SRRM2: variants seen among roughly 807,000 people sequenced by gnomAD.
The protein encoded by SRRM2 is serine/arginine repetitive matrix 2.
SRRM2 carries 30 observed loss-of-function variants against 213.8 expected under a neutral mutation model. The ratio of observed to expected loss-of-function variants is 0.14; its 90% CI spans 0.10 to 0.19. The LOEUF is 0.19. Among genes scored for constraint, SRRM2 ranks in the 10% least tolerant of loss-of-function variants. SRRM2 has a pLI of 1.00. For missense variants in SRRM2, 4,904 were observed against 3,647.0 expected (o/e 1.34, Z -8.88); for synonymous variants, 2,025 against 1,377.7 (o/e 1.47, Z -10.40).
rs771524954 is a variant in SRRM2, at chr16:2,765,579, C to G, written c.5051C>G (p.Thr1684Arg). 3 of 1,614,220 alleles carry G rather than the reference C, an allele frequency of 1.9e-6. No individual in the cohort carries two copies. The highest frequency in any genetic ancestry group is 2.2e-5 in the South Asian group (2 of 91,080). Reference sequence around the variant, plus strand: ...CCAGAGCCCAAGACCAAGTCTCGTACACCACCTCGACGTCGCAGCTCTCGA... The same window carrying G: ...CCAGAGCCCAAGACCAAGTCTCGTAGACCACCTCGACGTCGCAGCTCTCGA... ...SSPEPKTKSR[T>R]PPRRRSSRSS... The change falls in exon 11 of 15, where the codon ACA becomes AGA. Residue 1684 changes from threonine to arginine, a missense_variant. Physicochemically the swap from Thr to Arg is moderately conservative, Grantham distance 71. Transcript: ENST00000301740.
chr16:2,760,632 A>G (rs1219190115), intron 10 of SRRM2, 133 bp downstream of exon 10: 3 of 986,116 alleles, frequency 3.0e-6, no homozygotes, highest in East Asian at 2.6e-5. Flanking sequence ...TTTCTCTCCT[A>G]GTTCTCTTAC....
chr16:2,752,760 G>C lies in SRRM2; in HGVS notation c.-118G>C. On this transcript the variant is annotated 5_prime_UTR_variant, in exon 1 of 15. Coordinates refer to ENST00000301740, the MANE Select transcript of SRRM2 (RefSeq NM_016333.4). ...GCGGGCGGACCGGCGAGGCGAGGCG[G>C]CGGCCCCAGGCCCGAGGGACTCGGG... The C allele has an allele frequency of 2.8e-6, 1 of 362,084 alleles. No individual in the cohort carries two copies. The allele number at this position is 362,084 out of a possible 1,614,324, so 22.4% of individuals were successfully genotyped here.
intron 1 of SRRM2, among the ~76,000 whole-genome samples, chr16:2,754,644 G>A (rs946544795): frequency 2.6e-5 from 4 of 152,184 alleles, no homozygotes; most frequent in African/African-American, 9.7e-5. Context: ...GTATGGAAGT[G>A]TGGGTGAATG....
In SRRM2 at chr16:2,763,126, G is replaced by A. The variant is rs140816073; in HGVS notation, c.2598G>A (p.Thr866=). 30 of 1,613,950 alleles carry A rather than the reference G, an allele frequency of 1.9e-5. No homozygotes were observed. The East Asian group carries it at 3.3e-4, about 18-fold the overall frequency. ...TSPQANEQSV[T]PQRRSCFESS... ...CCCAGGCCAATGAGCAATCTGTAAC[G>A]CCACAGAGACGGAGCTGTTTTGAAT... The change falls in exon 11 of 15, where the codon ACG becomes ACA. Residue 866 remains threonine, a synonymous_variant. Coordinates refer to ENST00000301740, the MANE Select transcript of SRRM2 (RefSeq NM_016333.4).
chr16:2,755,309 A>AG (rs2068102465), intron 1 of SRRM2, among the ~76,000 whole-genome samples: 1 of 152,174 alleles, frequency 6.6e-6, no homozygotes, highest in Admixed American at 6.5e-5. Flanking sequence ...GAGAAGGAAG[A>AG]GGCAGGGCTG....
intron 10 of SRRM2, among the ~76,000 whole-genome samples, chr16:2,761,288 T>C (rs148749366): frequency 7.8e-4 from 119 of 152,308 alleles, no homozygotes; most frequent in African/African-American, 2.7e-3. Flanking sequence ...TCCATTCTTA[T>C]AACATTTTGT....
chr16:2,757,126 A>G (rs1416210865), intron 2 of SRRM2, among the ~76,000 whole-genome samples: 1 of 152,204 alleles, frequency 6.6e-6, no homozygotes, highest in Admixed American at 6.5e-5. Context: ...TTTAAACTTC[A>G]GCAATGGTGA....
intron 12 of SRRM2, chr16:2,769,942 C>T: frequency 2.3e-6 from 1 of 442,526 alleles, no homozygotes; most frequent in East Asian, 6.3e-5. Flanking sequence ...TCCTTGTCCG[C>T]CTGGTGAACT....
At chr16:2,769,379 C>G in intron 12 of SRRM2, 95 bp downstream of exon 12, 1 of 1,415,494 alleles carries the variant, frequency 7.1e-7, no homozygotes, top group Non-Finnish European at 9.5e-7. Context: ...GGGTGTCTCA[C>G]GTGGCCTTGG....
rs1485537795 is a variant in SRRM2, at chr16:2,758,567, ACT to A, written c.593+23_593+24del. ...AGGACGGTAAGTTAGTTGGAAAGTG[ACT>A]CTGATAGCCAGAGGACCAATCCTGT... On this transcript the variant is annotated intron_variant, in intron 5 of 14. Transcript: ENST00000301740. The A allele has an allele frequency of 5.0e-6, 8 of 1,606,130 alleles. No homozygotes were observed. The highest frequency in any genetic ancestry group is 1.1e-5 in the South Asian group (1 of 90,936).
In SRRM2 at chr16:2,767,307, G is replaced by C. The variant is rs1301986798; in HGVS notation, c.6779G>C (p.Arg2260Pro). ...IPTAVNLADSRTPAAAAAMNL... is the reference protein window; with the variant it reads ...IPTAVNLADSPTPAAAAAMNL... ...ACAGCAGTGAACCTGGCTGACTCTCGAACGCCAGCTGCAGCAGCGGCCATG... is the reference window on the plus strand; with the variant it reads ...ACAGCAGTGAACCTGGCTGACTCTCCAACGCCAGCTGCAGCAGCGGCCATG... The change falls in exon 11 of 15, where the codon CGA becomes CCA. Residue 2260 changes from arginine to proline, a missense_variant. Transcript: ENST00000301740. The C allele has an allele frequency of 6.2e-7, 1 of 1,613,760 alleles. No individual in the cohort carries two copies.
chr16:2,771,050 G>GT lies in SRRM2; in HGVS notation c.*184dup. On this transcript the variant is annotated 3_prime_UTR_variant, in exon 15 of 15. Coordinates refer to ENST00000301740, the MANE Select transcript of SRRM2 (RefSeq NM_016333.4). ...TTGTTCCTGTGAAATGTTAATCTCC[G>GT]TGAGTTCTTCCTGGTTCATGTGTTC... 3.7e-6 allele frequency: 2 copies of GT among 540,838 alleles called. No individual in the cohort carries two copies. Among genetic ancestry groups the GT allele is most frequent in the Non-Finnish European group, 6.3e-6 (2 of 316,540 alleles). The allele number at this position is 540,838 out of a possible 1,614,324, so 33.5% of individuals were successfully genotyped here.
At position 2,769,250 on chromosome 16, in the gene SRRM2, G is replaced by A. The variant is rs755792372; in HGVS notation, c.7987G>A (p.Ala2663Thr). ...TGGCCCTCAGGCCTTGCCCAAACCT[G>A]CAAGCCCCAAGAAGCCACCCCCTGG... Reference protein sequence around the residue: ...KPGPQALPKPASPKKPPPGER... With the variant: ...KPGPQALPKPTSPKKPPPGER... Residue 2663 changes from alanine (A) to threonine (T), a missense_variant, in exon 12 of 15, where the codon GCA becomes ACA. Ala to Thr is a moderately conservative substitution (Grantham distance 58). Transcript: ENST00000301740. 1.3e-6 allele frequency: 2 copies of A among 1,572,628 alleles called. No individual in the cohort carries two copies. The highest frequency in any genetic ancestry group is 2.2e-5 in the East Asian group (1 of 44,574).
At chr16:2,759,842 C>CTTT in intron 9 of SRRM2, 181 bp downstream of exon 9, 3 of 453,316 alleles carry the variant, frequency 6.6e-6, no homozygotes, top group Admixed American at 3.9e-5. Context: ...TTCCCCTTCT[C>CTTT]TTTTTTTTTT....
chr16:2,769,051 G>A lies in SRRM2; in HGVS notation c.7788G>A (p.Pro2596=), dbSNP rs761794384. Residue 2596 remains proline (P), a synonymous_variant, in exon 12 of 15, where the codon CCG becomes CCA. Coordinates refer to ENST00000301740, the MANE Select transcript of SRRM2 (RefSeq NM_016333.4). ...PKEAVREGRP[P]EPTPAKRKRR... ...AGGCTGTTCGAGAGGGACGTCCTCC[G>A]GAGCCAACCCCAGCCAAACGGAAGA... 23 of 1,614,058 alleles carry A rather than the reference G, an allele frequency of 1.4e-5. No individual in the cohort carries two copies. Among genetic ancestry groups the A allele is most frequent in the South Asian group, 2.2e-5 (2 of 91,084 alleles).
chr16:2,764,852 G>C lies in SRRM2; in HGVS notation c.4324G>C (p.Gly1442Arg). ...AACTCCATCAAGGAGAAGCAGGTCTGGGTCTTCTCCAGGACTTAGAGATGG... is the reference window on the plus strand; with the variant it reads ...AACTCCATCAAGGAGAAGCAGGTCTCGGTCTTCTCCAGGACTTAGAGATGG... Reference protein sequence around the residue: ...PRTPSRRSRSGSSPGLRDGSG... With the variant: ...PRTPSRRSRSRSSPGLRDGSG... Residue 1442 changes from glycine to arginine, a missense_variant, in exon 11 of 15, where the codon GGG becomes CGG. Coordinates refer to ENST00000301740, the MANE Select transcript of SRRM2 (RefSeq NM_016333.4). 6.2e-7 allele frequency: 1 copy of C among 1,614,188 alleles called. No homozygotes were observed. Among genetic ancestry groups the C allele is most frequent in the Non-Finnish European group, 8.5e-7 (1 of 1,180,024 alleles).
intron 9 of SRRM2, 181 bp downstream of exon 9, chr16:2,759,842 CTTTT>C (rs375549530): frequency 3.5e-5 from 16 of 453,672 alleles, no homozygotes; most frequent in Non-Finnish European, 5.8e-5. Flanking sequence ...TTCCCCTTCT[CTTTT>C]TTTTTTTGTT....
chr16:2,755,292 C>A (rs2068101756), intron 1 of SRRM2, among the ~76,000 whole-genome samples: 1 of 152,158 alleles, frequency 6.6e-6, no homozygotes. Context: ...ATGGGGTTAA[C>A]ACAGGAGAGA....
chr16:2,756,337 C>A lies in SRRM2; in HGVS notation c.-28C>A. The A allele has an allele frequency of 6.4e-7, 1 of 1,571,832 alleles. No homozygotes were observed. The highest frequency in any genetic ancestry group is 8.6e-7 in the Non-Finnish European group (1 of 1,163,600). On this transcript the variant is annotated 5_prime_UTR_variant, in exon 2 of 15. Coordinates refer to ENST00000301740, the MANE Select transcript of SRRM2 (RefSeq NM_016333.4). ...GTGTCTCCCCGCTCCCCCTCAGGAG[C>A]GGTGGTGCCCCCCCCGGGCACGGGG...
Sources: allele counts gnomAD v4.1 joint callset (sites outside exome capture counted in the v4.1 genomes callset), GRCh38; gene constraint gnomAD v4.1.1; transcripts MANE v1.5; gene names NCBI Gene and HGNC (gene_info 2026-07-23, HGNC 2026-07-21).